PANX1: variants seen among roughly 807,000 people sequenced by gnomAD.
PANX1 encodes the protein pannexin-1.
In PANX1, 30 loss-of-function variants were observed where a neutral mutation model predicts 38.7. That is an observed-to-expected ratio of 0.78 (90% CI 0.58 to 1.05). The LOEUF is 1.05. PANX1 is among the 50% of genes least tolerant of loss of function. PANX1 has a pLI of 0.00. For missense variants in PANX1, 551 were observed against 517.2 expected, an observed-to-expected ratio of 1.07 and a Z score of -0.63; for synonymous variants, 230 against 212.2, an observed-to-expected ratio of 1.08 and a Z score of -0.73.
intron 2 of PANX1, among the ~76,000 whole-genome samples, chr11:94,171,489 T>G (rs1328600624): frequency 6.6e-6 from 1 of 151,578 alleles, no homozygotes; most frequent in Admixed American, 6.5e-5. Flanking sequence ...TAGTGGGTGC[T>G]TGAAGACTAT....
chr11:94,143,837 C>T (rs768067731), intron 1 of PANX1, among the ~76,000 whole-genome samples: 6 of 151,960 alleles, frequency 3.9e-5, no homozygotes, highest in African/African-American at 9.7e-5. Context: ...CAGCCTTGAC[C>T]TCTGGGGCTC....
intron 2 of PANX1, among the ~76,000 whole-genome samples, chr11:94,167,325 T>A (rs953090214): frequency 1.2e-4 from 19 of 152,212 alleles, no homozygotes; most frequent in African/African-American, 4.3e-4. Flanking sequence ...CAGTGATTGC[T>A]CCTCTGATTT....
intron 2 of PANX1, among the ~76,000 whole-genome samples, chr11:94,165,093 A>G (rs950625744): frequency 6.6e-5 from 10 of 152,066 alleles, no homozygotes; most frequent in Admixed American, 5.9e-4. Context: ...TCTGGTCAGC[A>G]GCGTTTGGTT....
intron 2 of PANX1, among the ~76,000 whole-genome samples, chr11:94,156,967 A>G (rs965854908): frequency 4.6e-5 from 7 of 152,046 alleles, no homozygotes; most frequent in African/African-American, 1.7e-4. Context: ...ATGAGCAAGA[A>G]CATGCGGTGT....
At chr11:94,157,452 CATT>C (rs1160906390) in intron 2 of PANX1, among the ~76,000 whole-genome samples, 4 of 152,130 alleles carry the variant, frequency 2.6e-5, no homozygotes, top group African/African-American at 9.7e-5. Flanking sequence ...GATGGTATCT[CATT>C]GTGGTTTTGA....
intron 2 of PANX1, among the ~76,000 whole-genome samples, chr11:94,157,372 A>G (rs1363193375): frequency 3.3e-5 from 5 of 152,106 alleles, no homozygotes; most frequent in African/African-American, 9.7e-5. Context: ...AAGTGTTCCT[A>G]TTCCTCCACC....
intron 4 of PANX1, 83 bp downstream of exon 4, chr11:94,180,340 C>G (rs1352819490): frequency 8.4e-7 from 1 of 1,186,788 alleles, no homozygotes; most frequent in Non-Finnish European, 1.2e-6. Flanking sequence ...CAGTCTTTAC[C>G]CTGCCCATCA....
chr11:94,158,330 A>C (rs1389972811), intron 2 of PANX1, among the ~76,000 whole-genome samples: 1 of 152,114 alleles, frequency 6.6e-6, no homozygotes, highest in East Asian at 1.9e-4. Context: ...TCTATAAATT[A>C]CCTTGGGCAG....
rs1442037541 is a variant in PANX1, at chr11:94,153,615, A to C, written c.306A>C (p.Pro102=). The C allele has an allele frequency of 1.9e-6, 3 of 1,613,678 alleles. No homozygotes were observed. In the African/African-American group the frequency reaches 4.0e-5, roughly 22 times the overall value. ...TGCAGAGCGAGTCTGGAAACCTCCC[A>C]CTGTGGCTGCATAAGGTAAAGGGAG... ...NSLQSESGNL[P]LWLHKFFPYI... is the part of the protein sequence containing the mutation. Residue 102 remains proline, a synonymous_variant, in exon 2 of 5, where the codon CCA becomes CCC. Transcript: ENST00000227638.
intron 2 of PANX1, among the ~76,000 whole-genome samples, chr11:94,156,962 C>G (rs1191078413): frequency 6.6e-6 from 1 of 151,834 alleles, no homozygotes; most frequent in African/African-American, 2.4e-5. Context: ...CAACTATGAG[C>G]AAGAACATGC....
At chr11:94,171,915 T>G (rs1947173742) in intron 2 of PANX1, among the ~76,000 whole-genome samples, 1 of 150,692 alleles carries the variant, frequency 6.6e-6, no homozygotes, top group Admixed American at 6.6e-5. Flanking sequence ...GCTTTTTTTT[T>G]TCCTTTGAGT....
At chr11:94,162,564 G>T (rs1947056574) in intron 2 of PANX1, among the ~76,000 whole-genome samples, 1 of 152,210 alleles carries the variant, frequency 6.6e-6, no homozygotes, top group Admixed American at 6.5e-5. Context: ...AATACCGTTG[G>T]ATAAGCGCAG....
intron 2 of PANX1, among the ~76,000 whole-genome samples, chr11:94,158,483 C>G (rs1257163142): frequency 6.6e-6 from 1 of 151,810 alleles, no homozygotes; most frequent in African/African-American, 2.4e-5. Flanking sequence ...AAGTTGGATT[C>G]CTAGGTATTT....
chr11:94,155,728 C>T (rs912653526), intron 2 of PANX1, among the ~76,000 whole-genome samples: 3 of 152,056 alleles, frequency 2.0e-5, no homozygotes, highest in Non-Finnish European at 4.4e-5. Flanking sequence ...AAAAGTGGGC[C>T]CATGTAGTTC....
At chr11:94,141,906 A>G (rs1434929763) in intron 1 of PANX1, among the ~76,000 whole-genome samples, 5 of 152,180 alleles carry the variant, frequency 3.3e-5, no homozygotes, top group Non-Finnish European at 7.4e-5. Context: ...GGTGTCTGGT[A>G]CGTAGGAAGC....
chr11:94,174,695 G>T (rs1947210806), intron 2 of PANX1, among the ~76,000 whole-genome samples: 1 of 151,662 alleles, frequency 6.6e-6, no homozygotes, highest in Admixed American at 6.6e-5. Context: ...AGGTCCCCAG[G>T]AGATGTTTTT....
intron 1 of PANX1, among the ~76,000 whole-genome samples, chr11:94,152,496 T>C (rs1347813857): frequency 6.6e-6 from 1 of 152,160 alleles, no homozygotes; most frequent in Non-Finnish European, 1.5e-5. Context: ...GAAGAGAGTG[T>C]GCCTGTCATG....
chr11:94,137,389 A>G (rs1449773475), intron 1 of PANX1, among the ~76,000 whole-genome samples: 1 of 152,200 alleles, frequency 6.6e-6, no homozygotes, highest in African/African-American at 2.4e-5. Flanking sequence ...ATCCCTTTAA[A>G]AAACCATGCA....
In PANX1 at chr11:94,137,665, G is replaced by T. The variant is rs190830435; in HGVS notation, c.181+8172G>T. Reference sequence around the variant, plus strand: ...TGGTACCAGGCACACCTAGTTCTGTGGGGGGTGAAAGGGGTGGTGGGGAGG... The same window carrying T: ...TGGTACCAGGCACACCTAGTTCTGTTGGGGGTGAAAGGGGTGGTGGGGAGG... On this transcript the variant is annotated intron_variant, in intron 1 of 4. Coordinates refer to ENST00000227638, the MANE Select transcript of PANX1 (RefSeq NM_015368.4). 6.0e-5 allele frequency among the ~76,000 whole-genome samples: 9 copies of T among 149,984 alleles called. No homozygotes were observed. In the South Asian group the frequency reaches 1.7e-3, roughly 29 times the overall value.
Sources: gnomAD v4.1 joint callset for allele counts (sites outside exome capture counted in the v4.1 genomes callset) on GRCh38, gnomAD v4.1.1 for gene constraint, MANE v1.5 for transcripts, NCBI Gene and HGNC (gene_info 2026-07-23, HGNC 2026-07-21) for gene names.